KCNH8: variants seen among roughly 807,000 people sequenced by gnomAD.
KCNH8 encodes the protein potassium voltage-gated channel subfamily H member 8, also known as voltage-gated delayed rectifier potassium channel KCNH8.
Under a neutral mutation model 103.6 loss-of-function variants are expected in KCNH8, and 70 were observed. The observed-to-expected ratio is 0.68, with a 90% CI of 0.56 to 0.82. The LOEUF is 0.82. Ranked by LOEUF, KCNH8 falls within the 40% of genes least tolerant of loss-of-function variation. The pLI is 0.00. For missense variants in KCNH8, 1,217 were observed against 1,329.9 expected (o/e 0.92, Z 1.32); for synonymous variants, 498 against 489.4 (o/e 1.02, Z -0.23).
chr3:19,393,805 G>A (rs7622299), intron 6 of KCNH8, among the ~76,000 whole-genome samples: 168 of 152,142 alleles, frequency 1.1e-3, no homozygotes, highest in African/African-American at 3.8e-3. Flanking sequence ...GCCCTTAAGA[G>A]TTTACTGTAT....
At chr3:19,255,824 G>T (rs748023116) in intron 2 of KCNH8, among the ~76,000 whole-genome samples, 40 of 151,846 alleles carry the variant, frequency 2.6e-4, no homozygotes, top group Non-Finnish European at 4.7e-4. Flanking sequence ...AAAAGAAAAA[G>T]TTAAGACAAG....
intron 11 of KCNH8, among the ~76,000 whole-genome samples, chr3:19,508,869 C>G (rs2125239655): frequency 6.6e-6 from 1 of 152,298 alleles, no homozygotes; most frequent in East Asian, 1.9e-4. Context: ...GTAAACCACA[C>G]AACTAGAAGC....
intron 1 of KCNH8, among the ~76,000 whole-genome samples, chr3:19,239,678 C>G (rs143026818): frequency 8.8e-4 from 134 of 151,708 alleles, no homozygotes; most frequent in African/African-American, 3.1e-3. Flanking sequence ...ATCTATCTAT[C>G]TATCTACCTA....
intron 7 of KCNH8, among the ~76,000 whole-genome samples, chr3:19,420,419 G>A (rs959312954): frequency 6.6e-6 from 1 of 152,126 alleles, no homozygotes; most frequent in African/African-American, 2.4e-5. Flanking sequence ...ATGGAATTCT[G>A]TCAAGGTTGG....
chr3:19,288,854 A>C (rs1279149280), intron 3 of KCNH8, among the ~76,000 whole-genome samples: 4 of 152,160 alleles, frequency 2.6e-5, no homozygotes. Context: ...CAACAGTGTA[A>C]AAGTGTTCCT....
intron 1 of KCNH8, among the ~76,000 whole-genome samples, chr3:19,213,132 G>C (rs1308506284): frequency 6.6e-6 from 1 of 152,136 alleles, no homozygotes; most frequent in East Asian, 1.9e-4. Context: ...ATCCTTTACT[G>C]ATGTTAACAA....
chr3:19,160,472 C>A (rs2063223213), intron 1 of KCNH8, among the ~76,000 whole-genome samples: 1 of 151,986 alleles, frequency 6.6e-6, no homozygotes, highest in Admixed American at 6.6e-5. Context: ...ATCCTCAGCC[C>A]CAAAGGTCAG....
chr3:19,158,463 G>T (rs2063202487), intron 1 of KCNH8, among the ~76,000 whole-genome samples: 1 of 151,692 alleles, frequency 6.6e-6, no homozygotes, highest in Admixed American at 6.6e-5. Context: ...TTAAGTATCA[G>T]ATTTTCTAAT....
At chr3:19,172,750 T>C (rs941548201) in intron 1 of KCNH8, among the ~76,000 whole-genome samples, 4 of 152,196 alleles carry the variant, frequency 2.6e-5, no homozygotes, top group Non-Finnish European at 4.4e-5. Context: ...AGCAGAGTCA[T>C]GGTTCAAACT....
At chr3:19,453,286 C>T (rs2067477875) in intron 10 of KCNH8, among the ~76,000 whole-genome samples, 3 of 152,050 alleles carry the variant, frequency 2.0e-5, no homozygotes, top group Admixed American at 2.0e-4. Context: ...CACTGAAAGT[C>T]CAGACTTCAC....
intron 11 of KCNH8, among the ~76,000 whole-genome samples, chr3:19,481,672 A>G (rs1177332727): frequency 6.6e-6 from 1 of 152,238 alleles, no homozygotes; most frequent in Non-Finnish European, 1.5e-5. Context: ...AGAAAAGGTT[A>G]AAGCAGTGCT....
intron 7 of KCNH8, among the ~76,000 whole-genome samples, chr3:19,405,828 T>G (rs2066683166): frequency 2.0e-5 from 3 of 152,020 alleles, no homozygotes; most frequent in African/African-American, 7.2e-5. Context: ...TGACTGATTC[T>G]TACTGAGTTT....
rs371113108 is a variant in KCNH8 at position 19,283,566 on chromosome 3, T to C, written c.442+2237T>C. 9.9e-5 allele frequency among the ~76,000 whole-genome samples: 15 copies of C among 152,190 alleles called. 2 individuals carry two copies. Among genetic ancestry groups the C allele is most frequent in the Admixed American group, 5.2e-4 (8 of 15,266 alleles). ...ACTCAAGAACAGTTTTTTCTATTGC[T>C]ACCTTATTATAAATGTCCCATAGAA... On this transcript the variant is annotated intron_variant, in intron 3 of 15. Coordinates refer to ENST00000328405, the MANE Select transcript of KCNH8 (RefSeq NM_144633.3).
Position 19,438,231 on chromosome 3 carries a change from G to A in KCNH8, c.1245G>A (p.Pro415=), listed in dbSNP as rs778625152. ...PYYGNNTLGG[P]SIRSAYIAAL... ...ATGGCAACAATACCTTGGGGGGCCC[G>A]TCGATCCGAAGTGCCTATATTGCCG... Residue 415 remains proline (P), a synonymous_variant, in exon 8 of 16, where the codon CCG becomes CCA. Transcript: ENST00000328405. 10 of 1,614,024 alleles carry A rather than the reference G, an allele frequency of 6.2e-6. No individual in the cohort carries two copies. The highest frequency in any genetic ancestry group is 4.5e-5 in the East Asian group (2 of 44,862).
Position 19,253,701 on chromosome 3 carries a change from A to G in KCNH8, c.124A>G (p.Ile42Val), listed in dbSNP as rs529173044. 13 of 1,613,594 alleles carry G rather than the reference A, an allele frequency of 8.1e-6. No individual in the cohort carries two copies. The highest frequency in any genetic ancestry group is 1.1e-5 in the South Asian group (1 of 91,056). Reference sequence around the variant, plus strand: ...TGCCCAGGTGGCTAAGGGTTTCCCCATAGTCTACTGTTCCGATGGCTTCTG... The same window carrying G: ...TGCCCAGGTGGCTAAGGGTTTCCCCGTAGTCTACTGTTCCGATGGCTTCTG... ...ANAQVAKGFP[I>V]VYCSDGFCEL... The change falls in exon 2 of 16, where the codon ATA (isoleucine) becomes GTA (valine). Residue 42 changes from isoleucine to valine, a missense_variant. Around this residue, in one of 3 missense-constraint regions of KCNH8, gnomAD observed 244 missense variants for 256.8 expected, o/e 0.95. Transcript: ENST00000328405.
chr3:19,268,013 A>G (rs184093061), intron 2 of KCNH8, among the ~76,000 whole-genome samples: 1 of 152,298 alleles, frequency 6.6e-6, no homozygotes, highest in African/African-American at 2.4e-5. Flanking sequence ...TATTACTATT[A>G]CAAAGTTTGA....
intron 7 of KCNH8, among the ~76,000 whole-genome samples, chr3:19,406,208 T>C (rs2066688947): frequency 6.6e-6 from 1 of 152,124 alleles, no homozygotes; most frequent in Non-Finnish European, 1.5e-5. Flanking sequence ...TTCTTTCAGG[T>C]TTTATACCAT....
intron 2 of KCNH8, among the ~76,000 whole-genome samples, chr3:19,263,245 A>G (rs567028743): frequency 6.6e-6 from 1 of 152,092 alleles, no homozygotes; most frequent in Non-Finnish European, 1.5e-5. Context: ...TTTCCTGTGT[A>G]ATATATATGA....
chr3:19,532,263 A>G (rs1464088921), intron 15 of KCNH8, among the ~76,000 whole-genome samples: 1 of 152,212 alleles, frequency 6.6e-6, no homozygotes, highest in Non-Finnish European at 1.5e-5. Context: ...AAACTGAATA[A>G]AGTACCTACA....
Sources: allele counts gnomAD v4.1 joint callset (sites outside exome capture counted in the v4.1 genomes callset), GRCh38; gene constraint gnomAD v4.1.1; regional missense constraint gnomAD v4.1.1; transcripts MANE v1.5; gene names NCBI Gene and HGNC (gene_info 2026-07-23, HGNC 2026-07-21).